Variants in VPS8 observed in about 807,000 individuals in gnomAD.
VPS8 encodes the protein VPS8 subunit of CORVET complex, also known as vacuolar protein sorting-associated protein 8 homolog.
In VPS8, 129 loss-of-function variants were observed where a neutral mutation model predicts 216.4. The ratio of observed to expected loss-of-function variants is 0.60; its 90% CI spans 0.52 to 0.69. VPS8 has a LOEUF of 0.69. Among genes scored for constraint, VPS8 ranks in the 30% least tolerant of loss-of-function variants. The pLI is 0.00. For synonymous variants in VPS8, 571 were observed against 565.4 expected (o/e 1.01, Z -0.14); for missense variants, 1,531 against 1,683.5 (o/e 0.91, Z 1.59).
chr3:185,012,664 TAA>T, intron 45 of VPS8, among the ~76,000 whole-genome samples: 1 of 145,566 alleles, frequency 6.9e-6, no homozygotes, highest in Non-Finnish European at 1.5e-5. Context: ...ATTTCTCATT[TAA>T]AAAAAAAAAG....
intron 22 of VPS8, among the ~76,000 whole-genome samples, chr3:184,889,834 A>G (rs1391390645): frequency 1.3e-5 from 2 of 152,080 alleles, no homozygotes; most frequent in Admixed American, 6.5e-5. Flanking sequence ...AGATTCTTCT[A>G]TATATGGGCC....
intron 42 of VPS8, among the ~76,000 whole-genome samples, chr3:184,989,139 C>T (rs960354450): frequency 3.3e-5 from 5 of 152,248 alleles, no homozygotes; most frequent in South Asian, 2.1e-4. Flanking sequence ...CTAGAACTTC[C>T]AGTACAGTGT....
intron 1 of VPS8, among the ~76,000 whole-genome samples, chr3:184,816,853 A>C (rs1716432804): frequency 6.6e-6 from 1 of 152,164 alleles, no homozygotes; most frequent in Admixed American, 6.5e-5. Context: ...TTCTGTGCCC[A>C]CTGTGAAGCA....
intron 17 of VPS8, among the ~76,000 whole-genome samples, chr3:184,867,455 A>G (rs1182182281): frequency 6.6e-6 from 1 of 152,222 alleles, no homozygotes; most frequent in Admixed American, 6.5e-5. Context: ...AATATTGCCA[A>G]GTCAGTAGAG....
At position 184,849,192 on chromosome 3, in the gene VPS8, A is replaced by T. The variant is rs1399051075; in HGVS notation, c.663A>T (p.Gly221=). 1 of 1,612,894 alleles carries T rather than the reference A, an allele frequency of 6.2e-7. No individual in the cohort carries two copies. The highest frequency in any genetic ancestry group is 8.5e-7 in the Non-Finnish European group (1 of 1,179,262). The change falls in exon 9 of 48, where the codon GGA becomes GGT. Residue 221 remains glycine, a synonymous_variant. Coordinates refer to ENST00000625842, the MANE Select transcript of VPS8 (RefSeq NM_001009921.3). ...GACTTCTTTGTGGCTTTGCTAAAGG[A>T]CAGGTAAGATATGAACCTCCTTTAA... ...CSRLLCGFAK[G]QITMWDLASG...
At chr3:185,023,949 A>C (rs995783370) in intron 45 of VPS8, among the ~76,000 whole-genome samples, 1 of 152,214 alleles carries the variant, frequency 6.6e-6, no homozygotes, top group Non-Finnish European at 1.5e-5. Flanking sequence ...TCTTCTGTGC[A>C]TGCTTTGCTT....
intron 42 of VPS8, among the ~76,000 whole-genome samples, chr3:184,984,588 C>T (rs953604183): frequency 1.4e-4 from 22 of 152,172 alleles, no homozygotes; most frequent in East Asian, 1.9e-4. Context: ...CCACAGCGCC[C>T]GGCCAGAACA....
At chr3:184,994,942 G>A (rs1752418104) in intron 43 of VPS8, among the ~76,000 whole-genome samples, 2 of 152,204 alleles carry the variant, frequency 1.3e-5, no homozygotes, top group African/African-American at 4.8e-5. Context: ...AAGAGAGCTT[G>A]TGCAGGGAAA....
intron 33 of VPS8, 127 bp downstream of exon 33, chr3:184,929,791 A>C: frequency 1.8e-6 from 1 of 557,544 alleles, no homozygotes; most frequent in Non-Finnish European, 3.0e-6. Context: ...ATTAAAACAG[A>C]TACAGTTCTT....
At chr3:184,834,865 T>C (rs1046874890) in intron 5 of VPS8, 123 bp downstream of exon 5, 32 of 704,864 alleles carry the variant, frequency 4.5e-5, no homozygotes, top group Admixed American at 6.5e-5. Context: ...AGAATCTGGC[T>C]TTCATGGTTT....
chr3:184,906,864 CAATT>C (rs1419441478), intron 25 of VPS8, among the ~76,000 whole-genome samples: 3 of 152,134 alleles, frequency 2.0e-5, no homozygotes, highest in African/African-American at 4.8e-5. Context: ...GGATGGAAGG[CAATT>C]AATTGTGTTT....
chr3:184,907,611 T>C (rs769420086), intron 25 of VPS8, among the ~76,000 whole-genome samples: 31 of 152,230 alleles, frequency 2.0e-4, no homozygotes, highest in Non-Finnish European at 3.8e-4. Context: ...CTGCACACCA[T>C]GGTGCCATAT....
chr3:184,916,211 AG>A (rs1204275804), intron 28 of VPS8, among the ~76,000 whole-genome samples: 1 of 152,254 alleles, frequency 6.6e-6, no homozygotes, highest in Non-Finnish European at 1.5e-5. Flanking sequence ...GTTCAATTAG[AG>A]ATGAACATGT....
chr3:184,965,988 T>C (rs920642831), intron 38 of VPS8, among the ~76,000 whole-genome samples: 1 of 152,170 alleles, frequency 6.6e-6, no homozygotes, highest in African/African-American at 2.4e-5. Flanking sequence ...CACAACCCAG[T>C]ATATTAGTCT....
chr3:184,900,825 C>G lies in VPS8; in HGVS notation c.2095-96C>G, dbSNP rs1293675260. On this transcript the variant is annotated intron_variant, in intron 24 of 47. Coordinates refer to ENST00000625842, the MANE Select transcript of VPS8 (RefSeq NM_001009921.3). ...TAATCTTAATGGTAAATGACTAATT[C>G]CATTAGCGAATGGTGATGAATAGCA... 2.2e-5 allele frequency: 23 copies of G among 1,031,920 alleles called. No individual in the cohort carries two copies. The Admixed American group carries it at 5.9e-4, about 26-fold the overall frequency. 63.9% of individuals were successfully genotyped at this position (1,031,920 alleles called of 1,614,324 possible). A position where few individuals can be genotyped will look rare whatever the true frequency, so the allele number is the denominator to read the frequency against.
At chr3:184,866,815 A>G in intron 16 of VPS8, 61 bp from the exon 17 acceptor site, 1 of 1,510,050 alleles carries the variant, frequency 6.6e-7, no homozygotes, top group South Asian at 1.2e-5. Context: ...TGAAATGTTA[A>G]AAAATATATT....
In VPS8 at chr3:184,826,106, C is replaced by T. The variant is rs906888446; in HGVS notation, c.154-57C>T. 11 of 1,300,230 alleles carry T rather than the reference C, an allele frequency of 8.5e-6. No individual in the cohort carries two copies. In the South Asian group the frequency reaches 9.2e-5, roughly 11 times the overall value. The allele number at this position is 1,300,230 out of a possible 1,614,324, so 80.5% of individuals were successfully genotyped here. On this transcript the variant is annotated intron_variant, in intron 2 of 47. Transcript: ENST00000625842. ...GTGGTTTTAATCAACTAAAACCCCT[C>T]ACAATTATAAGCAGAAAGGCATCAT...
chr3:184,829,668 T>C (rs1349749159), intron 3 of VPS8, among the ~76,000 whole-genome samples: 1 of 152,246 alleles, frequency 6.6e-6, no homozygotes, highest in Non-Finnish European at 1.5e-5. Flanking sequence ...TTCTGATTAC[T>C]ATATCCTTGT....
At chr3:184,894,983 C>A in intron 23 of VPS8, 58 bp downstream of exon 23, 2 of 1,397,424 alleles carry the variant, frequency 1.4e-6, no homozygotes, top group East Asian at 2.5e-5. Context: ...TTATTGATAA[C>A]ACTTACTTCA....
Sources: gnomAD v4.1 joint callset for allele counts (sites outside exome capture counted in the v4.1 genomes callset) on GRCh38, gnomAD v4.1.1 for gene constraint, MANE v1.5 for transcripts, NCBI Gene and HGNC (gene_info 2026-07-23, HGNC 2026-07-21) for gene names.